The following SCHIP1 variants were observed in gnomAD, a reference collection of about 807,000 sequenced individuals.
The protein encoded by SCHIP1 is schwannomin-interacting protein 1.
Under a neutral mutation model 29.7 loss-of-function variants are expected in SCHIP1, and 8 were observed. That is an observed-to-expected ratio of 0.27 (90% CI 0.16 to 0.49). The LOEUF (loss-of-function observed/expected upper bound fraction) is 0.49. Ranked by LOEUF, SCHIP1 falls within the 20% of genes least tolerant of loss-of-function variation. The pLI is 0.99. For missense variants in SCHIP1, 193 were observed against 294.6 expected (o/e 0.66, Z 2.52); for synonymous variants, 76 against 94.9 (o/e 0.80, Z 1.16).
chr3:159,766,822 C>T, the SCHIP1 span, among the ~76,000 whole-genome samples: 1 of 152,124 alleles, frequency 6.6e-6, no homozygotes, highest in African/African-American at 2.4e-5. Flanking sequence ...GCCTTCCCTC[C>T]AGGAACTTAA....
At chr3:159,450,107 C>T in the SCHIP1 span, among the ~76,000 whole-genome samples, 1 of 152,142 alleles carries the variant, frequency 6.6e-6, no homozygotes, top group Non-Finnish European at 1.5e-5. Flanking sequence ...GAGTTCAAGT[C>T]TTCAAGTTCA....
chr3:159,404,743 T>A, the SCHIP1 span, among the ~76,000 whole-genome samples: 1 of 152,220 alleles, frequency 6.6e-6, no homozygotes, highest in Non-Finnish European at 1.5e-5. Context: ...CAAGCCTGGC[T>A]GGCTTTGCCA....
intron 1 of SCHIP1, among the ~76,000 whole-genome samples, chr3:159,860,007 G>T (rs534506446): frequency 6.6e-6 from 1 of 151,556 alleles, no homozygotes; most frequent in African/African-American, 2.4e-5. Flanking sequence ...GTGTGTGTGT[G>T]TGTCTGTCTG....
chr3:159,403,024 T>C, the SCHIP1 span, among the ~76,000 whole-genome samples: 9 of 152,266 alleles, frequency 5.9e-5, 1 homozygote, highest in African/African-American at 2.2e-4. Flanking sequence ...TGGCTAATAT[T>C]GTATCTAAAC....
At chr3:159,880,056 G>A (rs994732649) in intron 2 of SCHIP1, among the ~76,000 whole-genome samples, 8 of 152,204 alleles carry the variant, frequency 5.3e-5, no homozygotes, top group African/African-American at 1.7e-4. Context: ...AAAACCCAGA[G>A]AGGGTCATTC....
the SCHIP1 span, among the ~76,000 whole-genome samples, chr3:159,757,350 A>G: frequency 1.3e-5 from 2 of 152,212 alleles, no homozygotes; most frequent in Non-Finnish European, 2.9e-5. Context: ...TTTTAAAACC[A>G]TCAGATCTCA....
the SCHIP1 span, among the ~76,000 whole-genome samples, chr3:159,559,781 AT>A: frequency 5.9e-5 from 9 of 151,984 alleles, no homozygotes; most frequent in South Asian, 1.5e-3. Flanking sequence ...ATCAGCTCTG[AT>A]TTTTTTTCCT....
In SCHIP1 at chr3:159,864,470, T is replaced by TACACACACACACACAC. The variant is rs58371525; in HGVS notation, c.31-1663_31-1648dup. Among the ~76,000 whole-genome samples the TACACACACACACACAC allele has an allele frequency of 3.7e-3, 517 of 139,910 alleles. 3 individuals carry two copies. The highest frequency in any genetic ancestry group is 0.014 in the East Asian group (65 of 4,668). 91.8% of individuals were successfully genotyped at this position (139,910 alleles called of 152,430 possible). A position where few individuals can be genotyped will look rare whatever the true frequency, so the allele number is the denominator to read the frequency against. The stretch of plus-strand genomic sequence containing the variant: ...GTAGTCTTTCACCTTATGGCTGTAC[T>TACACACACACACACAC]ACACACACACACACACACACACACA... On this transcript the variant is annotated intron_variant, in intron 1 of 6. Transcript: ENST00000445224.
At chr3:159,471,642 A>G in the SCHIP1 span, among the ~76,000 whole-genome samples, 7 of 152,156 alleles carry the variant, frequency 4.6e-5, no homozygotes, top group Non-Finnish European at 7.4e-5. Context: ...ATTCCCAGTA[A>G]AAACTGCAAA....
the SCHIP1 span, among the ~76,000 whole-genome samples, chr3:159,554,703 C>G: frequency 6.6e-6 from 1 of 151,990 alleles, no homozygotes; most frequent in African/African-American, 2.4e-5. Flanking sequence ...GCTTTGATGC[C>G]CCTTCTTTCC....
chr3:159,672,587 A>G, the SCHIP1 span, among the ~76,000 whole-genome samples: 2 of 152,194 alleles, frequency 1.3e-5, no homozygotes, highest in Non-Finnish European at 2.9e-5. Flanking sequence ...TGGTTGTCAT[A>G]CTTGATGGGT....
chr3:159,897,014 C>A, exon 7 of SCHIP1: 1 of 349,428 alleles, frequency 2.9e-6, no homozygotes, highest in Non-Finnish European at 5.1e-6. Flanking sequence ...CTGACACCAC[C>A]ACAAATCATG....
chr3:159,724,022 C>G, the SCHIP1 span, among the ~76,000 whole-genome samples: 1 of 152,114 alleles, frequency 6.6e-6, no homozygotes, highest in African/African-American at 2.4e-5. Context: ...AAGAGTTGAA[C>G]CAGTTTATTT....
At chr3:159,576,794 T>C in the SCHIP1 span, among the ~76,000 whole-genome samples, 1 of 152,154 alleles carries the variant, frequency 6.6e-6, no homozygotes, top group African/African-American at 2.4e-5. Flanking sequence ...TCTGCATGCA[T>C]CTGTTGAAAC....
the SCHIP1 span, among the ~76,000 whole-genome samples, chr3:159,783,675 G>T: frequency 6.6e-6 from 1 of 152,002 alleles, no homozygotes; most frequent in African/African-American, 2.4e-5. Context: ...AGGGAAGTAC[G>T]TGGGAAGAAG....
At chr3:159,273,935 A>G in the SCHIP1 span, 674 of 1,599,726 alleles carry the variant, frequency 4.2e-4, 7 homozygotes, top group South Asian at 7.1e-3. Context: ...TATTTTTACA[A>G]ATGAAGAGAG....
chr3:159,613,786 C>T, the SCHIP1 span, among the ~76,000 whole-genome samples: 5 of 152,176 alleles, frequency 3.3e-5, no homozygotes, highest in Non-Finnish European at 5.9e-5. Context: ...AAGAAGTTAA[C>T]ATGCAGATGT....
chr3:159,592,163 G>C, the SCHIP1 span, among the ~76,000 whole-genome samples: 1 of 151,874 alleles, frequency 6.6e-6, no homozygotes, highest in Admixed American at 6.6e-5. Context: ...GCCTTGTATG[G>C]GTTCTACTGA....
chr3:159,291,401 A>C, the SCHIP1 span, among the ~76,000 whole-genome samples: 2,712 of 152,262 alleles, frequency 0.018, 80 homozygotes, highest in African/African-American at 0.063. Context: ...ATATTTTGGG[A>C]AACCAAATAA....
Sources: gnomAD v4.1 joint callset for allele counts (sites outside exome capture counted in the v4.1 genomes callset) on GRCh38, gnomAD v4.1.1 for gene constraint, MANE v1.5 for transcripts, NCBI Gene and HGNC (gene_info 2026-07-23, HGNC 2026-07-21) for gene names.